The following PRICKLE1 variants were observed in gnomAD, a reference collection of about 807,000 sequenced individuals.
PRICKLE1 encodes the protein prickle planar cell polarity protein 1.
In PRICKLE1, 14 loss-of-function variants were observed where a neutral mutation model predicts 70.2. That is an observed-to-expected ratio of 0.20 (90% CI 0.13 to 0.31). The LOEUF (loss-of-function observed/expected upper bound fraction) is 0.31, where lower values mean the gene tolerates loss of function less well. PRICKLE1 is among the 10% of genes least tolerant of loss of function. PRICKLE1 has a pLI of 1.00. For missense variants in PRICKLE1, 821 were observed against 1,026.2 expected (o/e 0.80, Z 2.73); for synonymous variants, 357 against 379.9 (o/e 0.94, Z 0.70).
chr12:42,584,996 T>C (rs1940964066), intron 1 of PRICKLE1, among the ~76,000 whole-genome samples: 1 of 151,854 alleles, frequency 6.6e-6, no homozygotes, highest in African/African-American at 2.4e-5. Context: ...AGTCCATGAC[T>C]TCAGTACCAG....
At chr12:42,567,473 T>C (rs1393951094) in intron 1 of PRICKLE1, among the ~76,000 whole-genome samples, 3 of 152,226 alleles carry the variant, frequency 2.0e-5, no homozygotes, top group Admixed American at 1.3e-4. Context: ...CCAAATGACA[T>C]TCTTCTCTAT....
At chr12:42,537,816 T>C (rs1026602730) in intron 1 of PRICKLE1, among the ~76,000 whole-genome samples, 5 of 152,232 alleles carry the variant, frequency 3.3e-5, no homozygotes, top group Admixed American at 1.3e-4. Context: ...CAAAATGGCA[T>C]GTCCATCTCA....
chr12:42,461,147 CTGGGTTT>C (rs1367525326), intron 7 of PRICKLE1, among the ~76,000 whole-genome samples: 1 of 152,208 alleles, frequency 6.6e-6, no homozygotes, highest in Non-Finnish European at 1.5e-5. Context: ...TCCCACAGTG[CTGGGTTT>C]ACAGGTATGA....
intron 1 of PRICKLE1, among the ~76,000 whole-genome samples, chr12:42,570,905 A>G (rs1940700927): frequency 6.6e-6 from 1 of 152,202 alleles, no homozygotes; most frequent in South Asian, 2.1e-4. Flanking sequence ...ATATCCAATC[A>G]AAATAAAGAA....
intron 1 of PRICKLE1, among the ~76,000 whole-genome samples, chr12:42,562,828 A>T (rs1412457001): frequency 6.6e-6 from 1 of 152,200 alleles, no homozygotes; most frequent in Non-Finnish European, 1.5e-5. Flanking sequence ...TACTGCCCAG[A>T]AACACTGGGC....
At chr12:42,478,299 A>G (rs1335924059) in intron 1 of PRICKLE1, among the ~76,000 whole-genome samples, 1 of 152,234 alleles carries the variant, frequency 6.6e-6, no homozygotes, top group Non-Finnish European at 1.5e-5. Flanking sequence ...ACTATGCATT[A>G]ACCAATCCTG....
intron 1 of PRICKLE1, among the ~76,000 whole-genome samples, chr12:42,479,977 T>C (rs970192075): frequency 2.0e-5 from 3 of 152,074 alleles, no homozygotes; most frequent in Non-Finnish European, 2.9e-5. Flanking sequence ...AATTCCATTA[T>C]TCATCTCCTT....
chr12:42,500,029 G>T (rs931486243), intron 1 of PRICKLE1, among the ~76,000 whole-genome samples: 1 of 152,148 alleles, frequency 6.6e-6, no homozygotes, highest in African/African-American at 2.4e-5. Context: ...GGGATTACAG[G>T]CATGAGCCAC....
rs1246306386 is a variant in PRICKLE1, at chr12:42,472,639, T to C, written c.-48-75A>G. 6 of 1,244,202 alleles carry C rather than the reference T, an allele frequency of 4.8e-6. No individual in the cohort carries two copies. The Admixed American group carries it at 5.7e-5, about 12-fold the overall frequency. The allele number at this position is 1,244,202 out of a possible 1,614,324, so 77.1% of individuals were successfully genotyped here. A position where few individuals can be genotyped will look rare whatever the true frequency, so the allele number is the denominator to read the frequency against. ...TCTCTTACCCCCGACCCAGAGCTTT[T>C]ATTGAATGCTGTTAACAGACAGCTG... On this transcript the variant is annotated intron_variant, in intron 1 of 7. Transcript: ENST00000345127.
chr12:42,516,284 A>C (rs1939610718), intron 1 of PRICKLE1, among the ~76,000 whole-genome samples: 1 of 152,042 alleles, frequency 6.6e-6, no homozygotes, highest in South Asian at 2.1e-4. Flanking sequence ...GGTGCCCACC[A>C]CCACGCCTGG....
intron 1 of PRICKLE1, among the ~76,000 whole-genome samples, chr12:42,570,251 G>A (rs1940685544): frequency 1.3e-5 from 2 of 152,204 alleles, no homozygotes; most frequent in South Asian, 4.1e-4. Context: ...TCCAAATGGA[G>A]TATGAAGTAA....
intron 7 of PRICKLE1, among the ~76,000 whole-genome samples, chr12:42,463,455 C>T (rs1360977061): frequency 6.6e-6 from 1 of 152,002 alleles, no homozygotes; most frequent in Non-Finnish European, 1.5e-5. Flanking sequence ...CGTGGTGGCT[C>T]ATGCCTATAA....
intron 1 of PRICKLE1, among the ~76,000 whole-genome samples, chr12:42,559,622 A>AT (rs34103754): frequency 0.052 from 3,556 of 68,960 alleles, 94 homozygotes; most frequent in African/African-American, 0.12. Flanking sequence ...ATATATATAT[A>AT]TATTTTTTTT....
In PRICKLE1 at chr12:42,460,672, G is replaced by A. The variant is rs1555229472; in HGVS notation, c.1640-7C>T. The A allele has an allele frequency of 1.2e-6, 2 of 1,606,400 alleles. No individual in the cohort carries two copies. Among genetic ancestry groups the A allele is most frequent in the Admixed American group, 3.3e-5 (2 of 60,000 alleles). On this transcript the variant is annotated splice_region_variant and splice_polypyrimidine_tract_variant and intron_variant, in intron 7 of 7. Transcript: ENST00000345127. ...TCTCCATCCACCGAAGCCCCTAGAA[G>A]AGAGGCCAAAACAAGATGTGCTTCT... is the stretch of plus-strand genomic sequence containing the variant.
At chr12:42,486,803 G>GT (rs1251598706) in intron 1 of PRICKLE1, among the ~76,000 whole-genome samples, 5 of 152,180 alleles carry the variant, frequency 3.3e-5, no homozygotes, top group African/African-American at 1.2e-4. Flanking sequence ...TATAACTACT[G>GT]TAAGTTCCAG....
chr12:42,467,833 A>G (rs1416983245), intron 5 of PRICKLE1, among the ~76,000 whole-genome samples: 9 of 152,244 alleles, frequency 5.9e-5, no homozygotes, highest in Admixed American at 3.9e-4. Context: ...TGAATGTATA[A>G]AAATAAAAAC....
At chr12:42,552,730 G>T (rs951914911) in intron 1 of PRICKLE1, among the ~76,000 whole-genome samples, 3 of 152,216 alleles carry the variant, frequency 2.0e-5, no homozygotes, top group Non-Finnish European at 4.4e-5. Context: ...TAAAGACCCT[G>T]TTTTAAATTG....
At chr12:42,525,332 A>C (rs1389694537) in intron 1 of PRICKLE1, among the ~76,000 whole-genome samples, 2 of 152,190 alleles carry the variant, frequency 1.3e-5, no homozygotes, top group Non-Finnish European at 2.9e-5. Context: ...TGATAAAAGT[A>C]AGTCAGTCTT....
At chr12:42,505,154 A>T (rs1962405) in intron 1 of PRICKLE1, among the ~76,000 whole-genome samples, 52,416 of 151,810 alleles carry the variant, frequency 0.35, 10,884 homozygotes, top group East Asian at 0.5. Context: ...ACAAAAAACA[A>T]AAAACAACAA....
Sources: allele counts gnomAD v4.1 joint callset (sites outside exome capture counted in the v4.1 genomes callset), GRCh38; gene constraint gnomAD v4.1.1; transcripts MANE v1.5; gene names NCBI Gene and HGNC (gene_info 2026-07-23, HGNC 2026-07-21).